PTPRM: variants seen among roughly 807,000 people sequenced by gnomAD.
PTPRM encodes the protein protein tyrosine phosphatase receptor type M.
In PTPRM, 47 loss-of-function variants were observed where a neutral mutation model predicts 186.7. The ratio of observed to expected loss-of-function variants is 0.25; its 90% CI spans 0.20 to 0.32. The LOEUF (loss-of-function observed/expected upper bound fraction) is 0.32. Ranked by LOEUF, PTPRM falls within the 10% of genes least tolerant of loss-of-function variation. The pLI is 1.00. For synonymous variants in PTPRM, 668 were observed against 674.9 expected, an observed-to-expected ratio of 0.99 and a Z score of 0.16; for missense variants, 1,494 against 1,865.0, an observed-to-expected ratio of 0.80 and a Z score of 3.66.
At chr18:8,397,812 G>A (rs1442186204) in intron 32 of PTPRM, among the ~76,000 whole-genome samples, 1 of 152,176 alleles carries the variant, frequency 6.6e-6, no homozygotes, top group Non-Finnish European at 1.5e-5. Context: ...AAGTTCCCAG[G>A]GCTCTGTTTT....
intron 2 of PTPRM, among the ~76,000 whole-genome samples, chr18:7,778,272 C>A (rs78543796): frequency 2.6e-5 from 4 of 151,616 alleles, no homozygotes; most frequent in African/African-American, 4.8e-5. Context: ...TACTAAATGC[C>A]GTTTAAATTT....
At chr18:7,624,571 G>T (rs1441535274) in intron 1 of PTPRM, among the ~76,000 whole-genome samples, 1 of 151,886 alleles carries the variant, frequency 6.6e-6, no homozygotes, top group Non-Finnish European at 1.5e-5. Flanking sequence ...CTGCAGCCTT[G>T]ACTTCCTGGG....
At position 7,701,630 on chromosome 18, in the gene PTPRM, AGGAGAGAAGGAGACTATT is replaced by A. The variant is rs1292455570; in HGVS notation, c.74-72518_74-72501del. Among the ~76,000 whole-genome samples the A allele has an allele frequency of 2.0e-5, 3 of 152,020 alleles. No individual in the cohort carries two copies. The East Asian group carries it at 5.8e-4, about 29-fold the overall frequency. The stretch of plus-strand genomic sequence containing the variant: ...ATATATATAATAATAAAGCATATTG[AGGAGAGAAGGAGACTATT>A]ATGAGCTTTCAAAGATAATAAGCAG... On this transcript the variant is annotated intron_variant, in intron 1 of 32. Coordinates refer to ENST00000580170, the MANE Select transcript of PTPRM (RefSeq NM_001105244.2).
At chr18:8,111,940 G>T (rs950138823) in intron 11 of PTPRM, among the ~76,000 whole-genome samples, 42 of 152,110 alleles carry the variant, frequency 2.8e-4, no homozygotes, top group African/African-American at 1.0e-3. Context: ...GGTATTCCAG[G>T]TGAGACTTCT....
chr18:8,102,033 G>A (rs937683829), intron 11 of PTPRM, among the ~76,000 whole-genome samples: 6 of 152,126 alleles, frequency 3.9e-5, no homozygotes, highest in African/African-American at 1.4e-4. Flanking sequence ...GTTTCCTAGT[G>A]CATAGAAAAG....
chr18:8,237,741 T>C (rs7231511), intron 14 of PTPRM, among the ~76,000 whole-genome samples: 37,732 of 151,862 alleles, frequency 0.25, 5,460 homozygotes, highest in African/African-American at 0.4. Context: ...CCACCGCACC[T>C]GGCCCAGATT....
At position 7,703,610 on chromosome 18, in the gene PTPRM, C is replaced by A. The variant is rs533187346; in HGVS notation, c.74-70539C>A. Among the ~76,000 whole-genome samples the A allele has an allele frequency of 7.2e-5, 11 of 152,146 alleles. No homozygotes were observed. In the East Asian group the frequency reaches 1.4e-3, roughly 19 times the overall value. ...GGTTTTCTAAATATACAATCATGTC[C>A]TCTGCAAACAGAGACAATTTGACTT... On this transcript the variant is annotated intron_variant, in intron 1 of 32. Coordinates refer to ENST00000580170, the MANE Select transcript of PTPRM (RefSeq NM_001105244.2).
chr18:7,837,681 G>T (rs2046120327), intron 2 of PTPRM, among the ~76,000 whole-genome samples: 1 of 152,178 alleles, frequency 6.6e-6, no homozygotes, highest in Admixed American at 6.5e-5. Context: ...GACCTCAGGT[G>T]ATCCACCCTC....
intron 13 of PTPRM, chr18:8,121,864 A>G (rs2092186603): frequency 6.6e-6 from 1 of 152,354 alleles, no homozygotes. Context: ...CAGAATTAAC[A>G]ATGAATCTTT....
At chr18:7,906,695 C>A in intron 4 of PTPRM, 112 bp downstream of exon 4, 1 of 823,800 alleles carries the variant, frequency 1.2e-6, no homozygotes, top group South Asian at 1.5e-5. Context: ...CAAGACAGTT[C>A]CCTGACAGGC....
At chr18:7,676,635 G>GTGTGTGTGTGTGTGTGTGTGTGTGTGTA (rs1233216554) in intron 1 of PTPRM, among the ~76,000 whole-genome samples, 1 of 136,310 alleles carries the variant, frequency 7.3e-6, no homozygotes, top group South Asian at 2.5e-4. Flanking sequence ...AGCTGTGTGT[G>GTGTGTGTGTGTGTGTGTGTGTGTGTGTA]TGTGTGTGTG....
intron 14 of PTPRM, among the ~76,000 whole-genome samples, chr18:8,218,590 G>T (rs1005675201): frequency 1.3e-5 from 2 of 152,138 alleles, no homozygotes; most frequent in African/African-American, 4.8e-5. Flanking sequence ...TTGCACTCTT[G>T]GGGGACAAGG....
chr18:7,876,709 G>T (rs1310742926), intron 2 of PTPRM, among the ~76,000 whole-genome samples: 3 of 152,090 alleles, frequency 2.0e-5, no homozygotes, highest in African/African-American at 7.2e-5. Context: ...TGCTATCTTA[G>T]GTTTATTTAG....
rs145211788 is a variant in PTPRM at position 8,244,037 on chromosome 18, A to G, written c.2301-21A>G. On this transcript the variant is annotated intron_variant, in intron 14 of 32. Transcript: ENST00000580170. ...ATCCCGTTCAAATGCATGCCTACAT[A>G]ATTGAATTCTTTATCCTAAGGAAAC... 50 of 1,600,852 alleles carry G rather than the reference A, an allele frequency of 3.1e-5. No homozygotes were observed. In the Admixed American group the frequency reaches 3.9e-4, roughly 12 times the overall value.
chr18:8,384,928 T>C (rs773440158), intron 30 of PTPRM, among the ~76,000 whole-genome samples: 4 of 152,164 alleles, frequency 2.6e-5, no homozygotes, highest in Non-Finnish European at 5.9e-5. Context: ...TCACGATAGG[T>C]GCAGGGACCC....
intron 2 of PTPRM, among the ~76,000 whole-genome samples, chr18:7,793,984 A>G (rs188693778): frequency 2.0e-5 from 3 of 152,188 alleles, no homozygotes; most frequent in African/African-American, 7.2e-5. Context: ...CCTTCGGCCT[A>G]CGGAACGATG....
chr18:8,067,082 A>G (rs542936315), intron 7 of PTPRM, among the ~76,000 whole-genome samples: 1 of 152,370 alleles, frequency 6.6e-6, no homozygotes, highest in South Asian at 2.1e-4. Context: ...AAATTAAGTT[A>G]GAACTGTACT....
intron 14 of PTPRM, among the ~76,000 whole-genome samples, chr18:8,158,402 A>G (rs958157208): frequency 6.6e-6 from 1 of 152,196 alleles, no homozygotes; most frequent in Non-Finnish European, 1.5e-5. Flanking sequence ...AAAACTGAGC[A>G]TATTTTTCTT....
chr18:8,245,512 T>C (rs1486841001), intron 15 of PTPRM, among the ~76,000 whole-genome samples: 3 of 152,062 alleles, frequency 2.0e-5, no homozygotes, highest in Admixed American at 6.6e-5. Flanking sequence ...TTTCATAGAG[T>C]TCTCTCTGCT....
Sources: gnomAD v4.1 joint callset for allele counts (sites outside exome capture counted in the v4.1 genomes callset) on GRCh38, gnomAD v4.1.1 for gene constraint, MANE v1.5 for transcripts, NCBI Gene and HGNC (gene_info 2026-07-23, HGNC 2026-07-21) for gene names.